Variants in MGAT4C observed in about 807,000 individuals in gnomAD.
MGAT4C encodes the protein alpha-1,3-mannosyl-glycoprotein 4-beta-N-acetylglucosaminyltransferase C.
A neutral mutation model predicts 40.1 loss-of-function variants in MGAT4C; 19 were observed. The observed-to-expected ratio is 0.47, with a 90% confidence interval of 0.33 to 0.70. The LOEUF is 0.70. Ranked by LOEUF, MGAT4C falls within the 30% of genes least tolerant of loss-of-function variation. The pLI is 0.02. For missense variants in MGAT4C, 491 were observed against 563.2 expected, an observed-to-expected ratio of 0.87 and a Z score of 1.30; for synonymous variants, 181 against 187.1, an observed-to-expected ratio of 0.97 and a Z score of 0.27.
At chr12:86,092,323 A>G (rs1356912827) in intron 1 of MGAT4C, among the ~76,000 whole-genome samples, 1 of 152,118 alleles carries the variant, frequency 6.6e-6, no homozygotes, top group East Asian at 1.9e-4. Flanking sequence ...AGCTGGAAGA[A>G]AGGTGGAGAT....
chr12:86,055,613 T>C (rs967746849), intron 1 of MGAT4C, among the ~76,000 whole-genome samples: 18 of 152,166 alleles, frequency 1.2e-4, no homozygotes, highest in African/African-American at 4.1e-4. Context: ...CTCTTTGTCA[T>C]AGAAAAGCAT....
At chr12:86,151,662 T>A (rs528308984) in intron 1 of MGAT4C, among the ~76,000 whole-genome samples, 13 of 152,374 alleles carry the variant, frequency 8.5e-5, no homozygotes, top group African/African-American at 3.1e-4. Context: ...CACATCCATA[T>A]GTTTTATTTA....
intron 1 of MGAT4C, among the ~76,000 whole-genome samples, chr12:86,792,202 T>C (rs1952034640): frequency 6.6e-6 from 1 of 152,204 alleles, no homozygotes; most frequent in Non-Finnish European, 1.5e-5. Flanking sequence ...ATTGTACTCC[T>C]AAATAAACTA....
At chr12:86,539,513 A>G (rs1406216270) in intron 2 of MGAT4C, among the ~76,000 whole-genome samples, 1 of 152,204 alleles carries the variant, frequency 6.6e-6, no homozygotes. Context: ...TAGCAGCATG[A>G]TTTATAATCC....
At chr12:86,838,217 A>C (rs1212004930) in intron 1 of MGAT4C, among the ~76,000 whole-genome samples, 2 of 152,188 alleles carry the variant, frequency 1.3e-5, no homozygotes, top group African/African-American at 4.8e-5. Context: ...TATCATACGC[A>C]TCCATGATAC....
At chr12:86,169,787 G>A (rs748752724) in intron 1 of MGAT4C, among the ~76,000 whole-genome samples, 1 of 152,126 alleles carries the variant, frequency 6.6e-6, no homozygotes, top group Non-Finnish European at 1.5e-5. Flanking sequence ...GAAAACTGGA[G>A]TATATTTCAC....
intron 2 of MGAT4C, among the ~76,000 whole-genome samples, chr12:86,004,030 G>A (rs914214392): frequency 6.6e-6 from 1 of 152,072 alleles, no homozygotes; most frequent in African/African-American, 2.4e-5. Context: ...ATGTTTTACA[G>A]TGTTGCCTTT....
intron 3 of MGAT4C, among the ~76,000 whole-genome samples, chr12:86,390,401 TGGA>T (rs1956142413): frequency 2.0e-5 from 3 of 152,202 alleles, no homozygotes; most frequent in African/African-American, 7.2e-5. Context: ...ATATCACTGT[TGGA>T]TAGAGACTTA....
intron 2 of MGAT4C, among the ~76,000 whole-genome samples, chr12:86,515,314 T>C (rs990807936): frequency 2.6e-5 from 4 of 152,010 alleles, no homozygotes; most frequent in African/African-American, 9.7e-5. Context: ...GAAAATGAAA[T>C]GAAAAATCGA....
chr12:86,752,557 CATGA>C (rs1023593820), intron 1 of MGAT4C, among the ~76,000 whole-genome samples: 1 of 152,018 alleles, frequency 6.6e-6, no homozygotes, highest in Admixed American at 6.6e-5. Flanking sequence ...GATTGGAACA[CATGA>C]ATGAATTTAT....
Position 86,361,029 on chromosome 12 carries a change from A to G in MGAT4C, c.-119-26902T>C, listed in dbSNP as rs1306859528. Among the ~76,000 whole-genome samples the G allele has an allele frequency of 1.5e-4, 14 of 91,878 alleles. No homozygotes were observed. The Admixed American group carries it at 1.7e-3, about 11-fold the overall frequency. 60.3% of individuals were successfully genotyped at this position (91,878 alleles called of 152,430 possible). A position where few individuals can be genotyped will look rare whatever the true frequency, so the allele number is the denominator to read the frequency against. ...CCAAAATAGAGCCTGCATTGCAAGG[A>G]CAATCCTAAGCCAAAAGAACAAAGC... On this transcript the variant is annotated intron_variant, in intron 3 of 7. Coordinates refer to the MGAT4C transcript ENST00000548651.
At chr12:86,501,471 T>C (rs1452074326) in intron 2 of MGAT4C, among the ~76,000 whole-genome samples, 1 of 151,952 alleles carries the variant, frequency 6.6e-6, no homozygotes, top group African/African-American at 2.4e-5. Context: ...TTACCTCTTT[T>C]TCCTAATGCT....
intron 2 of MGAT4C, among the ~76,000 whole-genome samples, chr12:86,645,382 AT>A (rs995331451): frequency 4.0e-5 from 6 of 151,836 alleles, no homozygotes; most frequent in African/African-American, 1.4e-4. Context: ...CATTAAATAC[AT>A]TTTTTCTCAT....
intron 1 of MGAT4C, among the ~76,000 whole-genome samples, chr12:86,159,848 G>C (rs991791398): frequency 1.3e-5 from 2 of 151,748 alleles, no homozygotes; most frequent in African/African-American, 4.8e-5. Context: ...AGTATATTTG[G>C]GTTCTGAGGA....
chr12:86,273,435 C>T (rs879131608), intron 4 of MGAT4C, among the ~76,000 whole-genome samples: 1 of 151,766 alleles, frequency 6.6e-6, no homozygotes. Flanking sequence ...ATATTGTTTC[C>T]CAAGTTTATG....
intron 1 of MGAT4C, among the ~76,000 whole-genome samples, chr12:86,760,154 G>A (rs1361999627): frequency 1.3e-5 from 2 of 152,006 alleles, no homozygotes; most frequent in East Asian, 1.9e-4. Flanking sequence ...AAGGTACCAA[G>A]CACTCACAGT....
chr12:86,648,093 G>C (rs144370062), intron 2 of MGAT4C, among the ~76,000 whole-genome samples: 1 of 151,894 alleles, frequency 6.6e-6, no homozygotes. Context: ...CCAAATTTCA[G>C]GCTCTGTTGA....
At chr12:86,443,890 G>A (rs561263948) in intron 2 of MGAT4C, among the ~76,000 whole-genome samples, 180 of 152,118 alleles carry the variant, frequency 1.2e-3, no homozygotes, top group Admixed American at 3.9e-3. Context: ...CACCATGCCC[G>A]GCCTGTCTAC....
chr12:86,574,457 T>A (rs1960484089), intron 2 of MGAT4C, among the ~76,000 whole-genome samples: 1 of 151,854 alleles, frequency 6.6e-6, no homozygotes, highest in African/African-American at 2.4e-5. Flanking sequence ...ATTTCCTAAT[T>A]TATTTTACAA....
Sources: gnomAD v4.1 joint callset for allele counts (sites outside exome capture counted in the v4.1 genomes callset) on GRCh38, gnomAD v4.1.1 for gene constraint, MANE v1.5 for transcripts, NCBI Gene and HGNC (gene_info 2026-07-23, HGNC 2026-07-21) for gene names.